Variants in SPAG17 observed in about 807,000 individuals in gnomAD.
SPAG17 encodes the protein sperm-associated antigen 17.
In SPAG17, 169 loss-of-function variants were observed where a neutral mutation model predicts 273.6. The observed-to-expected ratio is 0.62, with a 90% CI of 0.55 to 0.70. The LOEUF (loss-of-function observed/expected upper bound fraction) is 0.70, where lower values mean the gene tolerates loss of function less well. SPAG17 is among the 30% of genes least tolerant of loss of function. The probability of loss-of-function intolerance (pLI) is 0.00; values close to 1 mark genes in which losing one functional copy is unlikely to be tolerated. For missense variants in SPAG17, 2,557 were observed against 2,627.8 expected (o/e 0.97, Z 0.59); for synonymous variants, 825 against 873.2 (o/e 0.94, Z 0.97).
At chr1:117,987,500 C>A (rs1656554179) in intron 40 of SPAG17, among the ~76,000 whole-genome samples, 1 of 152,208 alleles carries the variant, frequency 6.6e-6, no homozygotes, top group South Asian at 2.1e-4. Context: ...AGAGCACATT[C>A]CTCCTGTGAA....
In SPAG17 at chr1:118,145,357, C is replaced by T. The variant is rs190426979; in HGVS notation, c.315+5186G>A. ...GATTATAATTAAGCCTGTGTTCTCA[C>T]TTGTCAATTACTAATAAATACATGT... On this transcript the variant is annotated intron_variant, in intron 3 of 48. Transcript: ENST00000336338. Among the ~76,000 whole-genome samples, 226 of 152,262 alleles carry T rather than the reference C, an allele frequency of 1.5e-3. 3 individuals are homozygous for T. Among genetic ancestry groups the T allele is most frequent in the African/African-American group, 5.2e-3 (217 of 41,560 alleles).
At chr1:118,175,394 A>G (rs1660644716) in intron 1 of SPAG17, among the ~76,000 whole-genome samples, 1 of 152,072 alleles carries the variant, frequency 6.6e-6, no homozygotes, top group Admixed American at 6.6e-5. Context: ...CAACACAAAT[A>G]AGACTACCCC....
At chr1:117,964,566 G>A (rs1276338995) in intron 47 of SPAG17, 1 of 152,044 alleles carries the variant, frequency 6.6e-6, no homozygotes, top group Admixed American at 6.6e-5. Context: ...AGAGAAAAAG[G>A]GAGGGGAGGA....
At chr1:117,987,807 C>T (rs377732619) in intron 40 of SPAG17, 27 bp downstream of exon 40, 6 of 1,611,688 alleles carry the variant, frequency 3.7e-6, no homozygotes, top group Middle Eastern at 1.6e-4. Context: ...CTTTCAGGTC[C>T]TTATGTGCGT....
intron 1 of SPAG17, among the ~76,000 whole-genome samples, chr1:118,182,659 G>C (rs1661003005): frequency 6.6e-6 from 1 of 152,190 alleles, no homozygotes; most frequent in African/African-American, 2.4e-5. Context: ...AGACCCAGAA[G>C]TGGTCTAACG....
chr1:118,161,686 C>T (rs1302402842), intron 1 of SPAG17, among the ~76,000 whole-genome samples: 1 of 152,036 alleles, frequency 6.6e-6, no homozygotes, highest in Non-Finnish European at 1.5e-5. Flanking sequence ...TACAGGCGCC[C>T]GCCCCCACCT....
chr1:118,135,710 C>T (rs972962997), intron 3 of SPAG17, among the ~76,000 whole-genome samples: 7 of 152,094 alleles, frequency 4.6e-5, no homozygotes, highest in Admixed American at 1.3e-4. Flanking sequence ...TAAAACCTCA[C>T]GCAAATTTCT....
intron 17 of SPAG17, among the ~76,000 whole-genome samples, chr1:118,068,012 C>G (rs1428436850): frequency 5.3e-5 from 8 of 152,120 alleles, no homozygotes; most frequent in Admixed American, 5.2e-4. Context: ...CTTTGCCAAT[C>G]AACAATAAGG....
At chr1:118,104,440 T>A (rs1039931088) in intron 4 of SPAG17, among the ~76,000 whole-genome samples, 26 of 152,202 alleles carry the variant, frequency 1.7e-4, no homozygotes, top group Non-Finnish European at 2.9e-4. Context: ...GGTAGTTCAA[T>A]ACACACATTC....
chr1:118,097,834 A>G lies in SPAG17; in HGVS notation c.847T>C (p.Leu283=). The G allele has an allele frequency of 6.3e-7, 1 of 1,587,064 alleles. No individual in the cohort carries two copies. The highest frequency in any genetic ancestry group is 8.5e-7 in the Non-Finnish European group (1 of 1,170,970). Residue 283 remains leucine (L), a synonymous_variant, in exon 7 of 49, where the codon TTG becomes CTG. Coordinates refer to ENST00000336338, the MANE Select transcript of SPAG17 (RefSeq NM_206996.4). ...LQSEDLEAEK[L]KKENAIKELK... ...TCTTTTATGGCATTTTCTTTCTTCA[A>G]TTTTTCTGCTTCTAGATCTAATAAT...
At chr1:117,954,409 A>G (rs1176992071) in intron 48 of SPAG17, among the ~76,000 whole-genome samples, 1 of 152,118 alleles carries the variant, frequency 6.6e-6, no homozygotes, top group Non-Finnish European at 1.5e-5. Flanking sequence ...AAGCTCATTC[A>G]TGAGTACTAT....
In SPAG17 at chr1:117,996,587, T is replaced by C. The variant is rs1657688193; in HGVS notation, c.4922+11A>G. The C allele has an allele frequency of 2.5e-6, 4 of 1,607,566 alleles. No individual in the cohort carries two copies. Among genetic ancestry groups the C allele is most frequent in the African/African-American group, 1.3e-5 (1 of 74,488 alleles). On this transcript the variant is annotated intron_variant, in intron 33 of 48. Transcript: ENST00000336338. The stretch of plus-strand genomic sequence containing the variant: ...AGAATTAAAAGTAAAATTATAGTAT[T>C]ATTCTTTTACCTGGGGACATGTTCA...
intron 32 of SPAG17, among the ~76,000 whole-genome samples, chr1:118,002,863 T>G (rs1658456191): frequency 6.6e-6 from 1 of 152,230 alleles, no homozygotes; most frequent in African/African-American, 2.4e-5. Flanking sequence ...TTTGATCCTG[T>G]CATTATGATG....
chr1:118,171,312 T>C (rs1660407400), intron 1 of SPAG17, among the ~76,000 whole-genome samples: 1 of 152,078 alleles, frequency 6.6e-6, no homozygotes, highest in Non-Finnish European at 1.5e-5. Context: ...GTTCCTGATG[T>C]GAGACAAGTT....
At chr1:117,993,763 C>T (rs1657356190) in intron 35 of SPAG17, among the ~76,000 whole-genome samples, 1 of 152,138 alleles carries the variant, frequency 6.6e-6, no homozygotes, top group African/African-American at 2.4e-5. Context: ...TATTTAACAC[C>T]TGACAATATG....
chr1:118,012,990 A>G (rs115156932), intron 29 of SPAG17, among the ~76,000 whole-genome samples: 5 of 152,282 alleles, frequency 3.3e-5, no homozygotes, highest in African/African-American at 1.2e-4. Context: ...TGAGCTCTGC[A>G]CTGGGTTAAC....
At chr1:118,053,971 T>G in intron 20 of SPAG17, 31 bp downstream of exon 20, 1 of 1,532,522 alleles carries the variant, frequency 6.5e-7, no homozygotes, top group Non-Finnish European at 9.0e-7. Context: ...TAGTTTTGCC[T>G]GTTTTTTAAA....
chr1:118,118,600 G>T (rs1336815505), intron 3 of SPAG17, among the ~76,000 whole-genome samples: 1 of 152,188 alleles, frequency 6.6e-6, no homozygotes, highest in African/African-American at 2.4e-5. Context: ...ATGTTGCCAG[G>T]CAAGGCCTGT....
chr1:117,970,202 G>C, intron 45 of SPAG17, 86 bp from the exon 46 acceptor site: 10 of 1,368,208 alleles, frequency 7.3e-6, no homozygotes, highest in Non-Finnish European at 1.0e-5. Context: ...AAATAAGGAA[G>C]GTGTTAATAT....
Sources: gnomAD v4.1 joint callset for allele counts (sites outside exome capture counted in the v4.1 genomes callset) on GRCh38, gnomAD v4.1.1 for gene constraint, MANE v1.5 for transcripts, NCBI Gene and HGNC (gene_info 2026-07-23, HGNC 2026-07-21) for gene names.